SCARA3: variants seen among roughly 807,000 people sequenced by gnomAD.
SCARA3 encodes the protein scavenger receptor class A member 3.
SCARA3 carries 39 observed loss-of-function variants against 47.0 expected under a neutral mutation model. The ratio of observed to expected loss-of-function variants is 0.83; its 90% CI spans 0.64 to 1.08. The LOEUF is 1.08. Among genes scored for constraint, SCARA3 ranks in the 50% least tolerant of loss-of-function variants. The pLI, the probability that SCARA3 is intolerant of heterozygous loss-of-function variation, is 0.00. For synonymous variants in SCARA3, 356 were observed against 334.1 expected (o/e 1.07, Z -0.71); for missense variants, 724 against 792.3 (o/e 0.91, Z 1.04).
chr8:27,705,993 G>C, the SCARA3 span, among the ~76,000 whole-genome samples: 82 of 152,194 alleles, frequency 5.4e-4, no homozygotes, highest in South Asian at 1.0e-3. Flanking sequence ...CAGAGCTGGT[G>C]GTGAGAGAGA....
chr8:27,725,876 G>A, the SCARA3 span, among the ~76,000 whole-genome samples: 1 of 152,240 alleles, frequency 6.6e-6, no homozygotes, highest in Non-Finnish European at 1.5e-5. Flanking sequence ...GGCAGTCACA[G>A]GTGGCAGCTG....
At chr8:27,660,655 G>GATAT (rs1375416993) in intron 5 of SCARA3, among the ~76,000 whole-genome samples, 1 of 93,000 alleles carries the variant, frequency 1.1e-5, no homozygotes. Flanking sequence ...TAGATAGATA[G>GATAT]ATCTAGAGAA....
At position 27,658,720 on chromosome 8, in the gene SCARA3, T is replaced by C. The variant is rs1801815633; in HGVS notation, c.550T>C (p.Ser184Pro). Residue 184 changes from serine to proline, a missense_variant, in exon 5 of 6, where the codon TCT (serine) becomes CCT (proline). Transcript: ENST00000301904. ...CSFSIHQVNQ[S>P]LGLFLAQVRG... ...CTTCTCCATCCACCAGGTTAACCAG[T>C]CTCTGGGGCTCTTCCTGGCCCAGGT... 1.2e-6 allele frequency: 2 copies of C among 1,613,952 alleles called. No homozygotes were observed. The highest frequency in any genetic ancestry group is 2.7e-5 in the African/African-American group (2 of 74,902).
At position 27,671,642 on chromosome 8, in the gene SCARA3, GCACA is replaced by G. The variant is rs1022823430; in HGVS notation, c.*298_*301del. 2 of 1,127,058 alleles carry G rather than the reference GCACA, an allele frequency of 1.8e-6. No individual in the cohort carries two copies. The highest frequency in any genetic ancestry group is 4.5e-5 in the South Asian group (1 of 22,416). 69.8% of individuals were successfully genotyped at this position (1,127,058 alleles called of 1,614,324 possible). A position where few individuals can be genotyped will look rare whatever the true frequency, so the allele number is the denominator to read the frequency against. ...CACACATACACAGGCATACATGCAT[GCACA>G]CACACATGCACGCACACACACATGC... On this transcript the variant is annotated 3_prime_UTR_variant, in exon 6 of 6. Transcript: ENST00000301904.
chr8:27,729,620 G>T, the SCARA3 span, among the ~76,000 whole-genome samples: 22 of 151,946 alleles, frequency 1.4e-4, no homozygotes, highest in East Asian at 4.3e-3. Context: ...GTGAAACCCC[G>T]TCTCTACTAA....
the SCARA3 span, among the ~76,000 whole-genome samples, chr8:27,704,622 GGCT>G: frequency 9.9e-5 from 15 of 152,230 alleles, no homozygotes; most frequent in East Asian, 2.9e-3. Flanking sequence ...CCCTGGGTTG[GGCT>G]GGACTAGAGG....
chr8:27,688,465 G>A, the SCARA3 span, among the ~76,000 whole-genome samples: 2 of 151,980 alleles, frequency 1.3e-5, no homozygotes, highest in South Asian at 2.1e-4. Flanking sequence ...GGAGGCTGAG[G>A]TAGGAGGATC....
rs758523852 is a variant in SCARA3 at position 27,659,060 on chromosome 8, T to C, written c.890T>C (p.Met297Thr). The stretch of plus-strand genomic sequence containing the variant: ...CGCATCAGCCAGAACTCAGAGAGCA[T>C]GCACGACCTGGTACTCCAGGTCATG... Reference protein sequence around the residue: ...SQRISQNSESMHDLVLQVMGL... With the variant: ...SQRISQNSESTHDLVLQVMGL... Residue 297 changes from methionine to threonine, a missense_variant, in exon 5 of 6, where the codon ATG (methionine) becomes ACG (threonine). Physicochemically the swap from Met to Thr is moderately conservative, Grantham distance 81. Transcript: ENST00000301904. 1 of 1,614,032 alleles carries C rather than the reference T, an allele frequency of 6.2e-7. No homozygotes were observed. The highest frequency in any genetic ancestry group is 1.7e-5 in the Admixed American group (1 of 60,016).
At chr8:27,660,699 ATAGATAG>A (rs1563410285) in intron 5 of SCARA3, among the ~76,000 whole-genome samples, 14,268 of 148,126 alleles carry the variant, frequency 0.096, 856 homozygotes, top group East Asian at 0.27. Context: ...TAGATGATAG[ATAGATAG>A]ATAGATAGAT....
chr8:27,713,242 C>G, the SCARA3 span, among the ~76,000 whole-genome samples: 1 of 152,144 alleles, frequency 6.6e-6, no homozygotes, highest in Non-Finnish European at 1.5e-5. Flanking sequence ...GTGGAATGTC[C>G]CACAGTTTGT....
At chr8:27,727,585 T>C in the SCARA3 span, among the ~76,000 whole-genome samples, 39 of 152,228 alleles carry the variant, frequency 2.6e-4, 1 homozygote, top group Admixed American at 2.6e-3. Context: ...CCCAGAGCTC[T>C]TTCTAAACTG....
In SCARA3 at chr8:27,641,729, CA is replaced by C. The variant is rs370410966; in HGVS notation, c.7+7523del. ...AGAAGGCAAGGGGCTTGAGATCAAGCAGATGGAACAGCAATAAGCCTTAAGC... is the reference window on the plus strand; with the variant it reads ...AGAAGGCAAGGGGCTTGAGATCAAGCGATGGAACAGCAATAAGCCTTAAGC... On this transcript the variant is annotated intron_variant, in intron 1 of 5. Coordinates refer to ENST00000301904, the MANE Select transcript of SCARA3 (RefSeq NM_016240.3). Among the ~76,000 whole-genome samples the C allele has an allele frequency of 2.0e-4, 31 of 152,260 alleles. No individual in the cohort carries two copies. In the South Asian group the frequency reaches 6.4e-3, roughly 32 times the overall value.
At chr8:27,698,357 G>A in the SCARA3 span, among the ~76,000 whole-genome samples, 1 of 152,190 alleles carries the variant, frequency 6.6e-6, no homozygotes, top group Non-Finnish European at 1.5e-5. Flanking sequence ...TAAGACTGGA[G>A]ATTGGATTTA....
At chr8:27,663,355 C>A (rs940259352) in intron 5 of SCARA3, among the ~76,000 whole-genome samples, 10 of 152,234 alleles carry the variant, frequency 6.6e-5, no homozygotes, top group Admixed American at 6.5e-4. Context: ...TAGAACTCCC[C>A]ATGAGGCCAC....
downstream of SCARA3, among the ~76,000 whole-genome samples, chr8:27,674,254 T>C (rs1208007784): frequency 6.6e-6 from 1 of 152,102 alleles, no homozygotes; most frequent in African/African-American, 2.4e-5. Context: ...ATGCTGAGAA[T>C]CCCTATATTC....
downstream of SCARA3, among the ~76,000 whole-genome samples, chr8:27,679,120 GT>G (rs1349320894): frequency 6.6e-6 from 1 of 151,938 alleles, no homozygotes; most frequent in Non-Finnish European, 1.5e-5. Flanking sequence ...CCTCCTTCCT[GT>G]TTTTCTTCTT....
At chr8:27,733,775 T>C in the SCARA3 span, 1 of 152,134 alleles carries the variant, frequency 6.6e-6, no homozygotes, top group African/African-American at 2.4e-5. Context: ...AACTAGAAAA[T>C]TGTTCCTTTT....
the SCARA3 span, among the ~76,000 whole-genome samples, chr8:27,706,245 T>C: frequency 6.6e-6 from 1 of 152,172 alleles, no homozygotes; most frequent in African/African-American, 2.4e-5. Flanking sequence ...AAACTCTGCC[T>C]CCTGGATTCA....
the SCARA3 span, chr8:27,701,882 A>T: frequency 6.5e-6 from 1 of 154,220 alleles, no homozygotes; most frequent in Non-Finnish European, 1.5e-5. Context: ...GAGCTAAGGG[A>T]TGTTCAGTGC....
Sources: allele counts gnomAD v4.1 joint callset (sites outside exome capture counted in the v4.1 genomes callset), GRCh38; gene constraint gnomAD v4.1.1; transcripts MANE v1.5; gene names NCBI Gene and HGNC (gene_info 2026-07-23, HGNC 2026-07-21).